Variants in ST6GALNAC3 observed in about 807,000 individuals in gnomAD.
ST6GALNAC3 encodes ST6 N-acetylgalactosaminide alpha-2,6-sialyltransferase 3.
Under a neutral mutation model 32.7 loss-of-function variants are expected in ST6GALNAC3, and 25 were observed. The observed-to-expected ratio is 0.76, with a 90% CI of 0.56 to 1.07. The LOEUF (loss-of-function observed/expected upper bound fraction) is 1.07. Among genes scored for constraint, ST6GALNAC3 ranks in the 50% least tolerant of loss-of-function variants. The pLI, the probability that ST6GALNAC3 is intolerant of heterozygous loss-of-function variation, is 0.00. For missense variants in ST6GALNAC3, 355 were observed against 382.4 expected (o/e 0.93, Z 0.60); for synonymous variants, 129 against 133.1 (o/e 0.97, Z 0.21).
intron 1 of ST6GALNAC3, among the ~76,000 whole-genome samples, chr1:76,240,149 G>A (rs1467400102): frequency 6.6e-6 from 1 of 152,180 alleles, no homozygotes; most frequent in African/African-American, 2.4e-5. Context: ...ACACAGTACA[G>A]TGTCTTGCTG....
chr1:76,627,802 G>A (rs1649067976), intron 4 of ST6GALNAC3, among the ~76,000 whole-genome samples: 1 of 151,896 alleles, frequency 6.6e-6, no homozygotes, highest in Non-Finnish European at 1.5e-5. Context: ...CTTAATCAGT[G>A]GCATAGCAGG....
At chr1:76,552,030 G>A (rs1664668646) in intron 3 of ST6GALNAC3, among the ~76,000 whole-genome samples, 1 of 152,220 alleles carries the variant, frequency 6.6e-6, no homozygotes, top group African/African-American at 2.4e-5. Flanking sequence ...GGGTTTCCAA[G>A]GGTGTGGATA....
chr1:76,291,601 G>A (rs369004268), intron 1 of ST6GALNAC3, among the ~76,000 whole-genome samples: 6 of 152,216 alleles, frequency 3.9e-5, no homozygotes, highest in African/African-American at 1.4e-4. Context: ...CTAACGAACC[G>A]AAACAAAATA....
intron 1 of ST6GALNAC3, among the ~76,000 whole-genome samples, chr1:76,152,344 C>T (rs546090876): frequency 3.3e-5 from 5 of 152,238 alleles, no homozygotes; most frequent in South Asian, 2.1e-4. Context: ...ATTTAAGATG[C>T]GGAGGAAATC....
chr1:76,382,910 T>C (rs2147792), intron 2 of ST6GALNAC3, among the ~76,000 whole-genome samples: 44,052 of 151,990 alleles, frequency 0.29, 7,740 homozygotes, highest in East Asian at 0.62. Context: ...TCAAAAGGCT[T>C]CATGGACCCT....
chr1:76,614,718 C>CAAAAAAAAAAA lies in ST6GALNAC3; in HGVS notation c.624-12708_624-12698dup, dbSNP rs55744575. On this transcript the variant is annotated intron_variant, in intron 3 of 4. Transcript: ENST00000328299. ...TGGGTGACAGAGCGAGACTCCATCT[C>CAAAAAAAAAAA]AAAAAAAAAAAAAAAAAAAAAAAAA... 3.6e-4 allele frequency among the ~76,000 whole-genome samples: 24 copies of CAAAAAAAAAAA among 67,522 alleles called. 1 individual carries two copies. Among genetic ancestry groups the CAAAAAAAAAAA allele is most frequent in the African/African-American group, 1.4e-3 (21 of 14,694 alleles). 44.3% of individuals were successfully genotyped at this position (67,522 alleles called of 152,430 possible).
intron 3 of ST6GALNAC3, among the ~76,000 whole-genome samples, chr1:76,550,432 T>C (rs1032980342): frequency 1.3e-5 from 2 of 152,210 alleles, no homozygotes; most frequent in South Asian, 4.1e-4. Context: ...TGGTCACTGA[T>C]TGATTGATAC....
chr1:76,594,997 A>C (rs897377763), intron 3 of ST6GALNAC3, among the ~76,000 whole-genome samples: 10 of 152,240 alleles, frequency 6.6e-5, no homozygotes, highest in Middle Eastern at 3.4e-3. Flanking sequence ...CAAAGTTCAA[A>C]TTTCATTGAA....
intron 1 of ST6GALNAC3, among the ~76,000 whole-genome samples, chr1:76,117,590 A>G (rs1309661931): frequency 7.7e-6 from 1 of 130,716 alleles, no homozygotes. Context: ...ATCAGCTGGC[A>G]GGGTTATTCA....
intron 3 of ST6GALNAC3, among the ~76,000 whole-genome samples, chr1:76,530,850 T>C (rs1211831422): frequency 6.6e-6 from 1 of 152,124 alleles, no homozygotes; most frequent in Non-Finnish European, 1.5e-5. Flanking sequence ...TGACTCCAAA[T>C]GCTATATTCT....
At chr1:76,377,668 G>T (rs1476479860) in intron 2 of ST6GALNAC3, among the ~76,000 whole-genome samples, 1 of 152,054 alleles carries the variant, frequency 6.6e-6, no homozygotes, top group Non-Finnish European at 1.5e-5. Flanking sequence ...GAGTATCCAG[G>T]CCTTGTTTTT....
chr1:76,156,331 A>G (rs1394930326), intron 1 of ST6GALNAC3, among the ~76,000 whole-genome samples: 1 of 152,186 alleles, frequency 6.6e-6, no homozygotes, highest in Non-Finnish European at 1.5e-5. Context: ...GAAAGTGACC[A>G]CGTGTAGTCC....
intron 1 of ST6GALNAC3, among the ~76,000 whole-genome samples, chr1:76,257,138 A>G (rs536852936): frequency 1.3e-5 from 2 of 152,298 alleles, no homozygotes; most frequent in East Asian, 3.9e-4. Flanking sequence ...TTCAGAGCAC[A>G]TGGTTTAATC....
At chr1:76,395,437 T>TG (rs1652875433) in intron 2 of ST6GALNAC3, among the ~76,000 whole-genome samples, 1 of 152,282 alleles carries the variant, frequency 6.6e-6, no homozygotes, top group African/African-American at 2.4e-5. Flanking sequence ...ATCCTACTAC[T>TG]GGGTAGTTCT....
intron 3 of ST6GALNAC3, among the ~76,000 whole-genome samples, chr1:76,443,072 G>T (rs1292361937): frequency 2.0e-5 from 3 of 152,038 alleles, no homozygotes; most frequent in African/African-American, 7.2e-5. Context: ...CTCCATTTTT[G>T]AAGTCTGGGA....
intron 3 of ST6GALNAC3, among the ~76,000 whole-genome samples, chr1:76,561,256 A>G (rs1665227054): frequency 6.6e-6 from 1 of 152,112 alleles, no homozygotes; most frequent in South Asian, 2.1e-4. Context: ...GGTACAGAAT[A>G]AATAGAAAGA....
At chr1:76,134,210 T>C (rs1018531727) in intron 1 of ST6GALNAC3, among the ~76,000 whole-genome samples, 2 of 152,230 alleles carry the variant, frequency 1.3e-5, no homozygotes, top group African/African-American at 4.8e-5. Context: ...GGCTGCTTCC[T>C]CAGCATTATA....
chr1:76,209,036 A>G (rs1240443865), intron 1 of ST6GALNAC3, among the ~76,000 whole-genome samples: 2 of 152,154 alleles, frequency 1.3e-5, no homozygotes, highest in African/African-American at 4.8e-5. Context: ...TTTTGTGTCT[A>G]GTGGCTCATT....
At chr1:76,619,505 C>T (rs542289074) in intron 3 of ST6GALNAC3, among the ~76,000 whole-genome samples, 111 of 152,182 alleles carry the variant, frequency 7.3e-4, no homozygotes, top group Non-Finnish European at 1.3e-3. Flanking sequence ...ATGTTGTTTA[C>T]ATTTCATTCT....
Sources: allele counts gnomAD v4.1 joint callset (sites outside exome capture counted in the v4.1 genomes callset), GRCh38; gene constraint gnomAD v4.1.1; transcripts MANE v1.5; gene names NCBI Gene and HGNC (gene_info 2026-07-23, HGNC 2026-07-21).